AGBL1: variants seen among roughly 807,000 people sequenced by gnomAD.
The protein encoded by AGBL1 is cytosolic carboxypeptidase 4.
In AGBL1, 130 loss-of-function variants were observed where a neutral mutation model predicts 118.9. That is an observed-to-expected ratio of 1.09 (90% CI 0.95 to 1.26). The LOEUF (loss-of-function observed/expected upper bound fraction) is 1.26, where lower values mean the gene tolerates loss of function less well. AGBL1 is among the 50% of genes most tolerant of loss of function. AGBL1 has a pLI of 0.00. For missense variants in AGBL1, 1,584 were observed against 1,298.1 expected (o/e 1.22, Z -3.38); for synonymous variants, 555 against 478.9 (o/e 1.16, Z -2.08).
intron 6 of AGBL1, among the ~76,000 whole-genome samples, chr15:86,234,497 G>GC (rs1464566720): frequency 1.4e-5 from 2 of 147,548 alleles, no homozygotes; most frequent in African/African-American, 2.5e-5. Flanking sequence ...GTTGCAGTGA[G>GC]CGAAGATCAC....
chr15:86,392,841 A>G (rs1448788748), intron 17 of AGBL1, among the ~76,000 whole-genome samples: 2 of 152,198 alleles, frequency 1.3e-5, no homozygotes, highest in Non-Finnish European at 2.9e-5. Flanking sequence ...TAATTGCAGA[A>G]AAAAATAAAT....
chr15:86,469,271 C>A (rs1283666229), intron 18 of AGBL1, among the ~76,000 whole-genome samples: 1 of 152,140 alleles, frequency 6.6e-6, no homozygotes, highest in Admixed American at 6.6e-5. Context: ...GGTAATCAAC[C>A]TTTGACTGAC....
At chr15:86,817,550 CACAG>C (rs1457391868) in intron 22 of AGBL1, among the ~76,000 whole-genome samples, 1 of 135,628 alleles carries the variant, frequency 7.4e-6, no homozygotes, top group African/African-American at 2.8e-5. Context: ...CACACAGACA[CACAG>C]AGGAGAGAGA....
At chr15:86,452,040 ATGG>A (rs2082199710) in intron 18 of AGBL1, among the ~76,000 whole-genome samples, 1 of 152,114 alleles carries the variant, frequency 6.6e-6, no homozygotes, top group Non-Finnish European at 1.5e-5. Flanking sequence ...GACAGCCTCA[ATGG>A]ATTGGTGGAG....
chr15:86,573,799 T>C (rs16977816), intron 21 of AGBL1, among the ~76,000 whole-genome samples: 22,703 of 152,168 alleles, frequency 0.15, 1,801 homozygotes, highest in East Asian at 0.32. Context: ...ATCGGAAAGA[T>C]ACAAAATGTT....
chr15:86,445,961 T>C (rs1218320813), intron 18 of AGBL1, among the ~76,000 whole-genome samples: 4 of 152,154 alleles, frequency 2.6e-5, no homozygotes, highest in Non-Finnish European at 4.4e-5. Context: ...ACATCTGTTA[T>C]CCATCATGTC....
At chr15:86,348,969 C>T (rs1048013439) in intron 17 of AGBL1, among the ~76,000 whole-genome samples, 10 of 151,732 alleles carry the variant, frequency 6.6e-5, no homozygotes, top group African/African-American at 2.4e-4. Flanking sequence ...CAGGGTGGGC[C>T]CAAATCCAAA....
At chr15:86,310,344 T>G (rs35982095) in intron 17 of AGBL1, among the ~76,000 whole-genome samples, 9,598 of 152,224 alleles carry the variant, frequency 0.063, 387 homozygotes, top group African/African-American at 0.097. Context: ...GGTTTGTCAA[T>G]TTTGTTTATT....
At chr15:86,692,976 T>A (rs578180164) in intron 22 of AGBL1, among the ~76,000 whole-genome samples, 42 of 152,326 alleles carry the variant, frequency 2.8e-4, no homozygotes, top group African/African-American at 9.4e-4. Flanking sequence ...CCATTCCATA[T>A]AGATATATCA....
intron 18 of AGBL1, among the ~76,000 whole-genome samples, chr15:86,427,821 C>A (rs952279898): frequency 6.6e-6 from 1 of 152,190 alleles, no homozygotes; most frequent in African/African-American, 2.4e-5. Flanking sequence ...CCAGCTGTGT[C>A]TTCTCCAGGA....
chr15:87,014,861 T>G (rs897767510), intron 24 of AGBL1, among the ~76,000 whole-genome samples: 1 of 152,150 alleles, frequency 6.6e-6, no homozygotes, highest in Non-Finnish European at 1.5e-5. Context: ...GCTTGATGAT[T>G]AATGTTAGGT....
At chr15:86,876,646 C>T (rs1240279314) in intron 22 of AGBL1, among the ~76,000 whole-genome samples, 1 of 152,170 alleles carries the variant, frequency 6.6e-6, no homozygotes. Flanking sequence ...GCTTTGTAGG[C>T]CATAGGCTCT....
intron 19 of AGBL1, among the ~76,000 whole-genome samples, chr15:86,524,908 A>G (rs2083242665): frequency 6.6e-6 from 1 of 152,206 alleles, no homozygotes; most frequent in African/African-American, 2.4e-5. Context: ...CAGAGCAATC[A>G]GGCAAGAGAA....
chr15:86,636,276 CT>C (rs1487839801), intron 21 of AGBL1, among the ~76,000 whole-genome samples: 3 of 152,222 alleles, frequency 2.0e-5, no homozygotes, highest in African/African-American at 4.8e-5. Context: ...ACCTCACCTT[CT>C]TTAGTTTCTT....
chr15:86,947,917 G>A (rs1015359807), intron 23 of AGBL1, among the ~76,000 whole-genome samples: 4 of 151,976 alleles, frequency 2.6e-5, no homozygotes, highest in African/African-American at 7.2e-5. Context: ...TGGTGATAAC[G>A]GACATTAGGA....
intron 16 of AGBL1, among the ~76,000 whole-genome samples, chr15:86,290,302 T>G (rs2079523006): frequency 6.6e-6 from 1 of 151,840 alleles, no homozygotes; most frequent in Non-Finnish European, 1.5e-5. Context: ...CTGTTTGATT[T>G]GGGGGCAGCT....
At position 86,842,604 on chromosome 15, in the gene AGBL1, C is replaced by G. The variant is rs557887766; in HGVS notation, c.3159-64483C>G. On this transcript the variant is annotated intron_variant, in intron 22 of 22. Coordinates refer to ENST00000614907, the MANE Select transcript of AGBL1 (RefSeq NM_001386094.1). ...TTGATGAAGAGGACATGGGCTCATG[C>G]TAATATAAAGAAATGCTCCTCTCTG... Among the ~76,000 whole-genome samples, 3 of 152,286 alleles carry G rather than the reference C, an allele frequency of 2.0e-5. No homozygotes were observed. The East Asian group carries it at 5.8e-4, about 29-fold the overall frequency.
intron 23 of AGBL1, among the ~76,000 whole-genome samples, chr15:86,932,560 G>A (rs2080618328): frequency 1.3e-5 from 2 of 152,180 alleles, no homozygotes; most frequent in South Asian, 2.1e-4. Flanking sequence ...GAGAATTGCT[G>A]AGAATAAATC....
At chr15:87,029,123 CTAAA>C (rs1211791059), downstream of AGBL1, 1 of 304,236 alleles carries the variant, frequency 3.3e-6, no homozygotes, top group Non-Finnish European at 6.0e-6. Flanking sequence ...TATACATTAA[CTAAA>C]TGAATGAAAG....
Sources: gnomAD v4.1 joint callset for allele counts (sites outside exome capture counted in the v4.1 genomes callset) on GRCh38, gnomAD v4.1.1 for gene constraint, MANE v1.5 for transcripts, NCBI Gene and HGNC (gene_info 2026-07-23, HGNC 2026-07-21) for gene names.